Variants in DLGAP1 observed in about 807,000 individuals in gnomAD.
The protein encoded by DLGAP1 is disks large-associated protein 1.
Under a neutral mutation model 90.8 loss-of-function variants are expected in DLGAP1, and 11 were observed. That is an observed-to-expected ratio of 0.12 (90% CI 0.08 to 0.20). The LOEUF (loss-of-function observed/expected upper bound fraction) is 0.20. Ranked by LOEUF, DLGAP1 falls within the 10% of genes least tolerant of loss-of-function variation. DLGAP1 has a pLI of 1.00. For synonymous variants in DLGAP1, 558 were observed against 540.7 expected (o/e 1.03, Z -0.44); for missense variants, 1,050 against 1,333.8 (o/e 0.79, Z 3.31).
At chr18:3,993,570 C>T (rs942565550) in intron 3 of DLGAP1, among the ~76,000 whole-genome samples, 7 of 152,034 alleles carry the variant, frequency 4.6e-5, no homozygotes, top group African/African-American at 9.7e-5. Context: ...AGTGACAACG[C>T]GTTTTGCATT....
intron 1 of DLGAP1, among the ~76,000 whole-genome samples, chr18:4,203,327 T>A (rs57141818): frequency 0.05 from 7,627 of 151,658 alleles, 520 homozygotes; most frequent in African/African-American, 0.15. Context: ...AAATATAGTA[T>A]AAAATACTCT....
chr18:4,190,071 T>C (rs970581100), intron 1 of DLGAP1, among the ~76,000 whole-genome samples: 1 of 152,116 alleles, frequency 6.6e-6, no homozygotes, highest in Non-Finnish European at 1.5e-5. Context: ...TACAAGCTTA[T>C]GTCCACACAA....
chr18:4,005,302 C>T (rs2074278599), intron 2 of DLGAP1, 101 bp from the exon 3 acceptor site: 1 of 152,114 alleles, frequency 6.6e-6, no homozygotes, highest in Non-Finnish European at 1.5e-5. Flanking sequence ...TATGACTTGA[C>T]CTTCTTTTGC....
intron 9 of DLGAP1, 70 bp from the exon 10 acceptor site, chr18:3,534,685 C>CCTTT (rs1318372621): frequency 1.2e-5 from 14 of 1,207,434 alleles, no homozygotes; most frequent in Middle Eastern, 4.3e-4. Flanking sequence ...TTCCTTCCTT[C>CCTTT]CTTTCTTTCT....
Position 4,342,020 on chromosome 18 carries a change from C to G in DLGAP1, c.-267+112986G>C, listed in dbSNP as rs913511901. Among the ~76,000 whole-genome samples the G allele has an allele frequency of 6.6e-6, 1 of 151,964 alleles. No homozygotes were observed. The highest frequency in any genetic ancestry group is 1.5e-5 in the Non-Finnish European group (1 of 67,990). ...CACAAGTAAAAATAAATAGCTGAACCTGCCACACAAGATCATCTTCAGAAT... is the reference window on the plus strand; with the variant it reads ...CACAAGTAAAAATAAATAGCTGAACGTGCCACACAAGATCATCTTCAGAAT... On this transcript the variant is annotated intron_variant, in intron 1 of 12. Transcript: ENST00000315677. This position sits in a 1 kb window ranked among gnomAD's most constrained non-coding sequence, Gnocchi z 5.8.
At chr18:3,668,395 C>T (rs976568646) in intron 7 of DLGAP1, among the ~76,000 whole-genome samples, 1 of 152,110 alleles carries the variant, frequency 6.6e-6, no homozygotes, top group Non-Finnish European at 1.5e-5. Context: ...TCACTGCAGC[C>T]TCAAAGTCCT....
intron 5 of DLGAP1, among the ~76,000 whole-genome samples, chr18:3,752,729 A>C (rs1389128630): frequency 2.1e-5 from 3 of 144,704 alleles, no homozygotes; most frequent in African/African-American, 7.8e-5. Context: ...TGCAGCTTCC[A>C]ACTCCTGGGC....
chr18:4,130,480 T>C (rs1442272176), intron 2 of DLGAP1, among the ~76,000 whole-genome samples: 1 of 152,198 alleles, frequency 6.6e-6, no homozygotes, highest in Non-Finnish European at 1.5e-5. Context: ...CACTTGTAAG[T>C]TCAGGACATT....
At chr18:3,512,810 G>A (rs569352487) in intron 10 of DLGAP1, among the ~76,000 whole-genome samples, 10 of 152,290 alleles carry the variant, frequency 6.6e-5, no homozygotes, top group Admixed American at 1.3e-4. Flanking sequence ...AGAAAATTGC[G>A]TCTGAATCTA....
chr18:3,712,896 AT>A lies in DLGAP1; in HGVS notation c.1591+16238del, dbSNP rs571923008. Among the ~76,000 whole-genome samples the A allele has an allele frequency of 3.3e-3, 498 of 152,322 alleles. 1 individual carries two copies. Among genetic ancestry groups the A allele is most frequent in the African/African-American group, 0.012 (480 of 41,578 alleles). On this transcript the variant is annotated intron_variant, in intron 7 of 12. Transcript: ENST00000315677. ...CTGACTTACCCAGTTGGAAAGGCAAATTCGTGGGAGTGAAGTTGTTCTACTG... is the reference window on the plus strand; with the variant it reads ...CTGACTTACCCAGTTGGAAAGGCAAATCGTGGGAGTGAAGTTGTTCTACTG...
At chr18:3,658,912 G>T (rs984551055) in intron 7 of DLGAP1, among the ~76,000 whole-genome samples, 4 of 134,436 alleles carry the variant, frequency 3.0e-5, no homozygotes, top group African/African-American at 1.6e-4. Context: ...AGGGAAGACA[G>T]GGGTGGCAGT....
At chr18:4,158,228 T>C (rs1350609130) in intron 1 of DLGAP1, among the ~76,000 whole-genome samples, 5 of 152,096 alleles carry the variant, frequency 3.3e-5, no homozygotes, top group Admixed American at 2.6e-4. Flanking sequence ...TATAGTTGCA[T>C]TGCACAATAC....
chr18:4,384,834 C>G (rs926924913), intron 1 of DLGAP1, among the ~76,000 whole-genome samples: 48 of 152,104 alleles, frequency 3.2e-4, no homozygotes, highest in Admixed American at 1.7e-3. Context: ...TAAACATGAA[C>G]AACCCCAAAT....
At chr18:3,673,824 G>A (rs549922459) in intron 7 of DLGAP1, among the ~76,000 whole-genome samples, 64 of 150,936 alleles carry the variant, frequency 4.2e-4, no homozygotes, top group Non-Finnish European at 7.2e-4. Flanking sequence ...GGGATTACAG[G>A]AGTGAGCCAC....
intron 3 of DLGAP1, among the ~76,000 whole-genome samples, chr18:3,957,986 C>T (rs574874447): frequency 6.6e-6 from 1 of 150,450 alleles, no homozygotes; most frequent in South Asian, 2.1e-4. Flanking sequence ...CTCTGCCTCC[C>T]AGGTTCAAGA....
Position 3,729,054 on chromosome 18 carries a change from G to GAC in DLGAP1, c.1591+79_1591+80dup. 1 of 1,511,236 alleles carries GAC rather than the reference G, an allele frequency of 6.6e-7. No individual in the cohort carries two copies. The highest frequency in any genetic ancestry group is 1.3e-5 in the South Asian group (1 of 77,214). 93.6% of individuals were successfully genotyped at this position (1,511,236 alleles called of 1,614,324 possible). A position where few individuals can be genotyped will look rare whatever the true frequency, so the allele number is the denominator to read the frequency against. On this transcript the variant is annotated intron_variant, in intron 7 of 12. Transcript: ENST00000315677. The surrounding 1 kb of genome is among the most constrained non-coding windows in gnomAD (Gnocchi z 6.2). ...CTTGTTCCTGGCAACTATGTGTGTT[G>GAC]ACAGCAAGGGCACAGTCTTTGGGGA...
intron 9 of DLGAP1, among the ~76,000 whole-genome samples, chr18:3,549,863 G>A (rs916621105): frequency 2.0e-5 from 3 of 152,036 alleles, no homozygotes; most frequent in African/African-American, 7.2e-5. Flanking sequence ...ATCTTAGTAT[G>A]TGACTGTATT....
At chr18:4,213,413 C>T (rs2077888027) in intron 1 of DLGAP1, among the ~76,000 whole-genome samples, 1 of 152,062 alleles carries the variant, frequency 6.6e-6, no homozygotes, top group African/African-American at 2.4e-5. Context: ...GGAGTAGATG[C>T]ATTGGAGTGA....
intron 1 of DLGAP1, among the ~76,000 whole-genome samples, chr18:4,255,068 T>C (rs2078860937): frequency 6.6e-6 from 1 of 152,162 alleles, no homozygotes; most frequent in Non-Finnish European, 1.5e-5. Context: ...AGCCGAGTGC[T>C]GGGGCACAGC....
Sources: gnomAD v4.1 joint callset for allele counts (sites outside exome capture counted in the v4.1 genomes callset) on GRCh38, gnomAD v4.1.1 for gene constraint, Gnocchi (gnomAD v3.1) non-coding constraint, MANE v1.5 for transcripts, NCBI Gene and HGNC (gene_info 2026-07-23, HGNC 2026-07-21) for gene names.